Variants in DIP2C observed in about 807,000 individuals in gnomAD.
The protein encoded by DIP2C is DIP2 acetate--CoA ligase C (putative).
DIP2C carries 33 observed loss-of-function variants against 192.4 expected under a neutral mutation model. That is an observed-to-expected ratio of 0.17 (90% CI 0.13 to 0.23). DIP2C has a LOEUF of 0.23. Ranked by LOEUF, DIP2C falls within the 10% of genes least tolerant of loss-of-function variation. The pLI, the probability that DIP2C is intolerant of heterozygous loss-of-function variation, is 1.00. For missense variants in DIP2C, 1,537 were observed against 2,110.1 expected (o/e 0.73, Z 5.32); for synonymous variants, 979 against 864.1 (o/e 1.13, Z -2.33).
chr10:646,151 C>T (rs1160415428), intron 1 of DIP2C, among the ~76,000 whole-genome samples: 2 of 152,172 alleles, frequency 1.3e-5, no homozygotes, highest in Admixed American at 6.5e-5. Flanking sequence ...AACGCATGCT[C>T]GAGGCCTCCA....
At chr10:334,059 C>T (rs1406250161) in intron 29 of DIP2C, among the ~76,000 whole-genome samples, 2 of 152,090 alleles carry the variant, frequency 1.3e-5, no homozygotes, top group Admixed American at 1.3e-4. Flanking sequence ...AATCCCAGCA[C>T]TTTGGGAGGC....
chr10:328,046 G>A (rs1278138921), intron 30 of DIP2C, among the ~76,000 whole-genome samples: 3 of 152,186 alleles, frequency 2.0e-5, no homozygotes, highest in East Asian at 1.9e-4. Context: ...GAGCTGCTAA[G>A]GGGGCGGCCA....
chr10:483,944 A>G (rs534774089), intron 2 of DIP2C, among the ~76,000 whole-genome samples: 83 of 152,000 alleles, frequency 5.5e-4, no homozygotes, highest in African/African-American at 2.0e-3. Context: ...AGCCTCCCAT[A>G]TAGCTGGGAT....
At chr10:307,977 G>A (rs1412445078) in intron 32 of DIP2C, among the ~76,000 whole-genome samples, 1 of 147,534 alleles carries the variant, frequency 6.8e-6, no homozygotes, top group Non-Finnish European at 1.5e-5. Flanking sequence ...AGGGCAGCAG[G>A]GAGGCTTTGG....
At chr10:353,314 A>G (rs1387361718) in intron 24 of DIP2C, among the ~76,000 whole-genome samples, 2 of 152,220 alleles carry the variant, frequency 1.3e-5, no homozygotes, top group South Asian at 2.1e-4. Flanking sequence ...AGCCAAACTA[A>G]ATTTATATTT....
intron 3 of DIP2C, among the ~76,000 whole-genome samples, chr10:467,565 TA>T (rs71376835): frequency 0.46 from 60,241 of 130,208 alleles, 13,330 homozygotes; most frequent in East Asian, 0.63. Flanking sequence ...TATTTAAGTG[TA>T]AAAAAAAAAA....
At chr10:387,950 T>C (rs1963116321) in intron 13 of DIP2C, 141 bp from the exon 14 acceptor site, 3 of 977,474 alleles carry the variant, frequency 3.1e-6, no homozygotes, top group Non-Finnish European at 4.8e-6. Context: ...GTGGAAATTC[T>C]GTAGACTCCA....
intron 9 of DIP2C, among the ~76,000 whole-genome samples, chr10:401,482 A>C (rs1046727703): frequency 1.3e-5 from 2 of 148,836 alleles, no homozygotes; most frequent in African/African-American, 5.1e-5. Flanking sequence ...GTATGTGTTC[A>C]TCAGCACATG....
Position 276,493 on chromosome 10 carries a change from G to A in DIP2C, c.*832C>T, listed in dbSNP as rs1448903684. 6.6e-6 allele frequency: 1 copy of A among 152,574 alleles called. No individual in the cohort carries two copies. Among genetic ancestry groups the A allele is most frequent in the Non-Finnish European group, 1.5e-5 (1 of 68,030 alleles). The allele number at this position is 152,574 out of a possible 1,614,324, so 9.5% of individuals were successfully genotyped here. ...ATTTGTTGTGATACTATCCACGCAA[G>A]ATAATACAACACTTTTTTATATTAG... On this transcript the variant is annotated 3_prime_UTR_variant, in exon 37 of 37. Transcript: ENST00000280886.
intron 34 of DIP2C, 89 bp from the exon 35 acceptor site, chr10:283,535 AT>A (rs2132149269): frequency 1.4e-6 from 2 of 1,454,842 alleles, no homozygotes; most frequent in South Asian, 2.6e-5. Context: ...TCAGTACATT[AT>A]ATTCAGTGAT....
chr10:581,257 ATG>A (rs1351992947), intron 1 of DIP2C, among the ~76,000 whole-genome samples: 2 of 152,186 alleles, frequency 1.3e-5, no homozygotes, highest in African/African-American at 4.8e-5. Flanking sequence ...AAAACAGCCC[ATG>A]TGTTTGTATG....
At chr10:684,314 A>G (rs959002591) in intron 1 of DIP2C, among the ~76,000 whole-genome samples, 7 of 152,194 alleles carry the variant, frequency 4.6e-5, no homozygotes, top group Non-Finnish European at 8.8e-5. Flanking sequence ...GGATACTTAA[A>G]TATCTGTGAC....
chr10:310,344 A>G (rs1415037611), intron 31 of DIP2C, among the ~76,000 whole-genome samples: 1 of 152,242 alleles, frequency 6.6e-6, no homozygotes, highest in Non-Finnish European at 1.5e-5. Flanking sequence ...ATAGGAAAGA[A>G]AGGAGACAAA....
intron 4 of DIP2C, among the ~76,000 whole-genome samples, chr10:424,761 G>A (rs1459045482): frequency 6.6e-6 from 1 of 152,194 alleles, no homozygotes; most frequent in East Asian, 1.9e-4. Context: ...GTGTCCAGAA[G>A]GAGCACAACC....
At chr10:526,634 C>A (rs569590494) in intron 1 of DIP2C, among the ~76,000 whole-genome samples, 30 of 152,266 alleles carry the variant, frequency 2.0e-4, no homozygotes, top group African/African-American at 6.5e-4. Flanking sequence ...GATGGCAGCA[C>A]GTGAAGGATC....
rs1411382309 is a variant in DIP2C, at chr10:363,428, C to T, written c.2478-117G>A. On this transcript the variant is annotated intron_variant, in intron 20 of 36. Transcript: ENST00000280886. This position sits in a 1 kb window ranked among gnomAD's most constrained non-coding sequence, Gnocchi z 5.4. ...AGTGACACAGCTCCAACTACGACTT[C>T]AAAACGGCCGCTGTACTTCCGAATT... 2 of 814,464 alleles carry T rather than the reference C, an allele frequency of 2.5e-6. No individual in the cohort carries two copies. The highest frequency in any genetic ancestry group is 1.7e-5 in the African/African-American group (1 of 58,566). The allele number at this position is 814,464 out of a possible 1,614,324, so 50.5% of individuals were successfully genotyped here.
At chr10:541,852 G>A (rs1408394201) in intron 1 of DIP2C, among the ~76,000 whole-genome samples, 1 of 152,128 alleles carries the variant, frequency 6.6e-6, no homozygotes, top group Non-Finnish European at 1.5e-5. Context: ...CCTGTCTAGT[G>A]CATCCCTGCA....
At chr10:530,653 TAAAAAAAAAAAAA>T (rs59344971) in intron 1 of DIP2C, among the ~76,000 whole-genome samples, 2 of 106,088 alleles carry the variant, frequency 1.9e-5, no homozygotes, top group African/African-American at 7.1e-5. Context: ...CCCTATCTCT[TAAAAAAAAAAAAA>T]AAAAAAAAGA....
At chr10:656,054 T>C (rs947545010) in intron 1 of DIP2C, among the ~76,000 whole-genome samples, 3 of 151,250 alleles carry the variant, frequency 2.0e-5, no homozygotes, top group Non-Finnish European at 4.4e-5. Context: ...ATTTGTCCTA[T>C]TGTATACTAT....
Sources: gnomAD v4.1 joint callset for allele counts (sites outside exome capture counted in the v4.1 genomes callset) on GRCh38, gnomAD v4.1.1 for gene constraint, Gnocchi (gnomAD v3.1) non-coding constraint, MANE v1.5 for transcripts, NCBI Gene and HGNC (gene_info 2026-07-23, HGNC 2026-07-21) for gene names.